The following GRXCR2 variants were observed in gnomAD, a reference collection of about 807,000 sequenced individuals.
GRXCR2 encodes the protein glutaredoxin domain-containing cysteine-rich protein 2.
A neutral mutation model predicts 24.8 loss-of-function variants in GRXCR2; 23 were observed. The observed-to-expected ratio is 0.93, with a 90% CI of 0.67 to 1.32. The LOEUF is 1.32. Among genes scored for constraint, GRXCR2 ranks in the 40% most tolerant of loss-of-function variants. The probability of loss-of-function intolerance (pLI) is 0.00; values close to 1 mark genes in which losing one functional copy is unlikely to be tolerated. For synonymous variants in GRXCR2, 130 were observed against 116.1 expected (o/e 1.12, Z -0.77); for missense variants, 315 against 303.4 (o/e 1.04, Z -0.28).
At chr5:145,917,507 A>T (rs1757258973) in intron 2 of GRXCR2, among the ~76,000 whole-genome samples, 1 of 152,166 alleles carries the variant, frequency 6.6e-6, no homozygotes, top group Admixed American at 6.5e-5. Flanking sequence ...ATGTCTGCTG[A>T]GTGCCAGGTC....
At chr5:145,904,714 C>T (rs557919985) in intron 2 of GRXCR2, among the ~76,000 whole-genome samples, 1 of 152,228 alleles carries the variant, frequency 6.6e-6, no homozygotes, top group Non-Finnish European at 1.5e-5. Flanking sequence ...TTGAGTATCA[C>T]ACTGCTCTAA....
At position 145,882,847 on chromosome 5, in the gene GRXCR2, A is replaced by G. The variant is rs1266440179; in HGVS notation, c.-69-16119T>C. Reference sequence around the variant, plus strand: ...CCATGTAATACTATGCAGCCATAAAAAGGGATGAGTCCATGTCCTTTGCAG... The same window carrying G: ...CCATGTAATACTATGCAGCCATAAAGAGGGATGAGTCCATGTCCTTTGCAG... On this transcript the variant is annotated intron_variant, in intron 2 of 3. Coordinates refer to the GRXCR2 transcript ENST00000639411. 5.9e-5 allele frequency among the ~76,000 whole-genome samples: 9 copies of G among 152,228 alleles called. No individual in the cohort carries two copies. The East Asian group carries it at 1.7e-3, about 29-fold the overall frequency.
rs1310823661 is a variant in GRXCR2 at position 145,913,453 on chromosome 5, G to A, written c.-70+22248C>T. Among the ~76,000 whole-genome samples, 3 of 152,210 alleles carry A rather than the reference G, an allele frequency of 2.0e-5. No homozygotes were observed. The South Asian group carries it at 6.2e-4, about 32-fold the overall frequency. Reference sequence around the variant, plus strand: ...AAAAACGGGGTGGGAAGTCAATTTAGTTTATACAGTCACATCAATTACTAT... The same window carrying A: ...AAAAACGGGGTGGGAAGTCAATTTAATTTATACAGTCACATCAATTACTAT... On this transcript the variant is annotated intron_variant, in intron 2 of 3. Transcript: ENST00000639411.
intron 2 of GRXCR2, among the ~76,000 whole-genome samples, chr5:145,880,081 A>G (rs2149915026): frequency 6.6e-6 from 1 of 152,324 alleles, no homozygotes; most frequent in South Asian, 2.1e-4. Context: ...AATGCCCACA[A>G]GAGAAAGCAG....
chr5:145,897,834 GT>G (rs1257601451), intron 2 of GRXCR2, among the ~76,000 whole-genome samples: 3 of 151,990 alleles, frequency 2.0e-5, no homozygotes, highest in African/African-American at 7.2e-5. Flanking sequence ...TAAGAAGAAA[GT>G]TTATAGCACT....
intron 2 of GRXCR2, among the ~76,000 whole-genome samples, chr5:145,904,060 G>A (rs1376928799): frequency 6.6e-6 from 1 of 152,140 alleles, no homozygotes; most frequent in East Asian, 1.9e-4. Context: ...AAAGGCTGAG[G>A]AGGACTCCTA....
chr5:145,889,184 GAAAGA>G (rs758527672), intron 2 of GRXCR2, among the ~76,000 whole-genome samples: 20 of 112,872 alleles, frequency 1.8e-4, no homozygotes, highest in Non-Finnish European at 3.4e-4. Flanking sequence ...AAGAAAGAAA[GAAAGA>G]AAGAAAGAAA....
At chr5:145,863,249 G>C (rs986962308) in intron 2 of GRXCR2, among the ~76,000 whole-genome samples, 2 of 152,172 alleles carry the variant, frequency 1.3e-5, no homozygotes, top group African/African-American at 4.8e-5. Flanking sequence ...GCTCCTTGAT[G>C]TTCTTTGACC....
chr5:145,881,588 A>G (rs1031178797), intron 2 of GRXCR2, among the ~76,000 whole-genome samples: 5 of 152,254 alleles, frequency 3.3e-5, no homozygotes, highest in Non-Finnish European at 5.9e-5. Context: ...TATTGTGAAA[A>G]TGGCCATGCT....
chr5:145,892,338 C>T (rs186050695), intron 2 of GRXCR2, among the ~76,000 whole-genome samples: 3 of 152,098 alleles, frequency 2.0e-5, no homozygotes, highest in African/African-American at 7.2e-5. Flanking sequence ...CTACTCTGAG[C>T]TAAAGAAGGA....
intron 2 of GRXCR2, among the ~76,000 whole-genome samples, chr5:145,913,400 T>A (rs1182828193): frequency 6.6e-6 from 1 of 151,304 alleles, no homozygotes. Context: ...GCTCAGGAAC[T>A]AGGCAAGAGA....
chr5:145,883,817 G>T (rs80342501), intron 2 of GRXCR2, among the ~76,000 whole-genome samples: 3,931 of 152,212 alleles, frequency 0.026, 60 homozygotes, highest in Non-Finnish European at 0.036. Flanking sequence ...GAGCCCAGGA[G>T]GTCACAGCTG....
At chr5:145,874,266 C>T (rs544988764), upstream of GRXCR2, among the ~76,000 whole-genome samples, 16 of 150,828 alleles carry the variant, frequency 1.1e-4, no homozygotes, top group African/African-American at 2.7e-4. Context: ...TGCAGTGGTA[C>T]GATCTCGGCT....
At chr5:145,859,986 G>T (rs1345450875) in intron 2 of GRXCR2, 71 bp from the exon 3 acceptor site, 4 of 1,266,152 alleles carry the variant, frequency 3.2e-6, no homozygotes, top group East Asian at 5.1e-5. Flanking sequence ...GGTCAAAACA[G>T]CACTAGACTA....
At chr5:145,866,471 C>G in intron 2 of GRXCR2, 30 bp downstream of exon 2, 1 of 1,544,132 alleles carries the variant, frequency 6.5e-7, no homozygotes, top group South Asian at 1.1e-5. Flanking sequence ...GGGCCAGCTC[C>G]GAGCAGGACA....
intron 2 of GRXCR2, among the ~76,000 whole-genome samples, chr5:145,925,129 T>C (rs1376423645): frequency 1.3e-5 from 2 of 152,204 alleles, no homozygotes; most frequent in Non-Finnish European, 2.9e-5. Context: ...ATTATTACCA[T>C]TCCGGTCTCA....
intron 1 of GRXCR2, among the ~76,000 whole-genome samples, chr5:145,870,394 G>A (rs530054476): frequency 5.0e-4 from 76 of 152,204 alleles, no homozygotes; most frequent in African/African-American, 1.7e-3. Context: ...CAACCACATT[G>A]TGCATGTGTC....
chr5:145,890,236 T>C (rs340035), intron 2 of GRXCR2, among the ~76,000 whole-genome samples: 74,848 of 151,918 alleles, frequency 0.49, 20,772 homozygotes, highest in African/African-American at 0.73. Context: ...ATTACAGGCA[T>C]GTGCCACCAT....
At chr5:145,885,119 G>GTT (rs1554105089) in intron 2 of GRXCR2, among the ~76,000 whole-genome samples, 3 of 151,696 alleles carry the variant, frequency 2.0e-5, no homozygotes, top group South Asian at 2.1e-4. Flanking sequence ...GTGTGTGTGT[G>GTT]TGTCTGTCTG....
Sources: gnomAD v4.1 joint callset for allele counts (sites outside exome capture counted in the v4.1 genomes callset) on GRCh38, gnomAD v4.1.1 for gene constraint, MANE v1.5 for transcripts, NCBI Gene and HGNC (gene_info 2026-07-23, HGNC 2026-07-21) for gene names.